The following SEMA5A variants were observed in gnomAD, a reference collection of about 807,000 sequenced individuals.
SEMA5A encodes semaphorin-5A.
Under a neutral mutation model 135.5 loss-of-function variants are expected in SEMA5A, and 55 were observed. That is an observed-to-expected ratio of 0.41 (90% confidence interval 0.33 to 0.51). The LOEUF (loss-of-function observed/expected upper bound fraction) is 0.51. SEMA5A is among the 20% of genes least tolerant of loss of function. The probability of loss-of-function intolerance (pLI) is 0.37; values close to 1 mark genes in which losing one functional copy is unlikely to be tolerated. For synonymous variants in SEMA5A, 580 were observed against 546.5 expected, an observed-to-expected ratio of 1.06 and a Z score of -0.85; for missense variants, 1,290 against 1,419.9, an observed-to-expected ratio of 0.91 and a Z score of 1.47.
intron 13 of SEMA5A, among the ~76,000 whole-genome samples, chr5:9,128,702 AC>A (rs1741245460): frequency 1.3e-5 from 2 of 152,236 alleles, no homozygotes; most frequent in African/African-American, 2.4e-5. Context: ...GAAAAATTAA[AC>A]TAAGATTCAT....
intron 5 of SEMA5A, among the ~76,000 whole-genome samples, chr5:9,256,877 A>G (rs1749099272): frequency 6.6e-6 from 1 of 152,258 alleles, no homozygotes; most frequent in Non-Finnish European, 1.5e-5. Context: ...GTATAAGTTC[A>G]AGATTAGCAT....
At chr5:9,188,375 A>C (rs1240462328) in intron 11 of SEMA5A, among the ~76,000 whole-genome samples, 1 of 152,240 alleles carries the variant, frequency 6.6e-6, no homozygotes, top group Non-Finnish European at 1.5e-5. Context: ...TCAAAGTAAA[A>C]ATAGAGGAGT....
chr5:9,104,938 C>A lies in SEMA5A; in HGVS notation c.2073+3202G>T, dbSNP rs1037922030. Among the ~76,000 whole-genome samples the A allele has an allele frequency of 3.9e-5, 6 of 152,268 alleles. 1 individual carries two copies. The highest frequency in any genetic ancestry group is 3.3e-4 in the Admixed American group (5 of 15,292). On this transcript the variant is annotated intron_variant, in intron 16 of 22. Coordinates refer to ENST00000382496, the MANE Select transcript of SEMA5A (RefSeq NM_003966.3). ...GGAGGGACATTTGCTAGAAGTGGTC[C>A]CTCAATCAGCTGGACACATGTGCCC...
At chr5:9,129,233 C>A (rs538563088) in intron 13 of SEMA5A, among the ~76,000 whole-genome samples, 15 of 152,310 alleles carry the variant, frequency 9.8e-5, no homozygotes, top group Non-Finnish European at 5.9e-5. Context: ...AGTTACCAAA[C>A]CCTGGAAAGA....
At chr5:9,347,740 G>A (rs572700437) in intron 3 of SEMA5A, among the ~76,000 whole-genome samples, 1 of 152,240 alleles carries the variant, frequency 6.6e-6, no homozygotes, top group East Asian at 1.9e-4. Flanking sequence ...CGGCAGACAG[G>A]CTTCATGTCC....
intron 16 of SEMA5A, among the ~76,000 whole-genome samples, chr5:9,081,952 A>ACAGGAAAAGCATCTGTTGT (rs1219652879): frequency 7.9e-5 from 12 of 152,200 alleles, no homozygotes. Context: ...AATGAGTGCT[A>ACAGGAAAAGCATCTGTTGT]CAGGAAAAGC....
rs115339860 is a variant in SEMA5A at position 9,207,486 on chromosome 5, A to G, written c.647-5246T>C. 6.6e-3 allele frequency among the ~76,000 whole-genome samples: 998 copies of G among 152,274 alleles called. 3 individuals carry two copies. Among genetic ancestry groups the G allele is most frequent in the African/African-American group, 0.023 (960 of 41,552 alleles). On this transcript the variant is annotated intron_variant, in intron 8 of 22. Coordinates refer to ENST00000382496, the MANE Select transcript of SEMA5A (RefSeq NM_003966.3). ...AGGCATGAGCCACTGCCCCTGGTCTACCATGCTGAGTTTTTAAATAGCAAG... is the reference window on the plus strand; with the variant it reads ...AGGCATGAGCCACTGCCCCTGGTCTGCCATGCTGAGTTTTTAAATAGCAAG...
At chr5:9,470,164 G>A (rs1759424418) in intron 1 of SEMA5A, among the ~76,000 whole-genome samples, 1 of 152,196 alleles carries the variant, frequency 6.6e-6, no homozygotes, top group Non-Finnish European at 1.5e-5. Flanking sequence ...CAAGGAGAGA[G>A]AAGGTAATCT....
intron 3 of SEMA5A, among the ~76,000 whole-genome samples, chr5:9,354,375 T>G (rs1351186060): frequency 2.0e-5 from 3 of 152,200 alleles, no homozygotes; most frequent in Non-Finnish European, 4.4e-5. Context: ...TTTCTAATCT[T>G]GTTTCCAATT....
intron 13 of SEMA5A, among the ~76,000 whole-genome samples, chr5:9,132,676 T>G (rs1386807247): frequency 7.6e-6 from 1 of 132,214 alleles, no homozygotes; most frequent in East Asian, 2.0e-4. Flanking sequence ...TTTGGGAAAC[T>G]CAGTTGTGCT....
intron 11 of SEMA5A, among the ~76,000 whole-genome samples, chr5:9,165,602 T>A (rs1232954132): frequency 6.6e-6 from 1 of 152,324 alleles, no homozygotes; most frequent in Middle Eastern, 3.4e-3. Context: ...TTATTTCCAG[T>A]TGTGCATTTG....
intron 22 of SEMA5A, 145 bp from the exon 23 acceptor site, chr5:9,043,161 C>T: frequency 1.3e-6 from 1 of 775,102 alleles, no homozygotes; most frequent in Non-Finnish European, 2.0e-6. Flanking sequence ...TATTTGCTTC[C>T]CCAGATTATT....
At chr5:9,192,943 C>A (rs1745194412) in intron 10 of SEMA5A, among the ~76,000 whole-genome samples, 1 of 150,918 alleles carries the variant, frequency 6.6e-6, no homozygotes, top group Non-Finnish European at 1.5e-5. Flanking sequence ...CTTAAGGAAC[C>A]CAGAAAAATT....
chr5:9,327,852 C>T (rs1165164519), intron 4 of SEMA5A, among the ~76,000 whole-genome samples: 2 of 151,960 alleles, frequency 1.3e-5, no homozygotes, highest in Admixed American at 6.6e-5. Context: ...CTTTGTGGGT[C>T]CTCTGGGTAT....
intron 1 of SEMA5A, among the ~76,000 whole-genome samples, chr5:9,500,820 G>A (rs1052249920): frequency 3.3e-5 from 5 of 152,198 alleles, no homozygotes; most frequent in Non-Finnish European, 1.5e-5. Context: ...ATATGTTTAT[G>A]CTACAATTCC....
intron 5 of SEMA5A, among the ~76,000 whole-genome samples, chr5:9,254,940 C>G (rs1411576557): frequency 2.0e-5 from 3 of 152,140 alleles, no homozygotes; most frequent in African/African-American, 7.2e-5. Context: ...GCTGAATGCA[C>G]TGTAAGCTGT....
intron 5 of SEMA5A, among the ~76,000 whole-genome samples, chr5:9,247,218 G>A (rs1748527775): frequency 6.6e-6 from 1 of 152,132 alleles, no homozygotes; most frequent in African/African-American, 2.4e-5. Flanking sequence ...TATCCCATTT[G>A]TGATTTTGTG....
intron 8 of SEMA5A, among the ~76,000 whole-genome samples, chr5:9,203,665 A>C (rs1174998337): frequency 6.6e-6 from 1 of 152,226 alleles, no homozygotes; most frequent in Non-Finnish European, 1.5e-5. Flanking sequence ...AAATGTAATA[A>C]ATACTCTAAA....
intron 3 of SEMA5A, among the ~76,000 whole-genome samples, chr5:9,344,349 A>C (rs987880398): frequency 1.3e-5 from 2 of 152,240 alleles, no homozygotes; most frequent in Admixed American, 6.5e-5. Flanking sequence ...ATATTTCTAT[A>C]AGACACAGAT....
Sources: allele counts gnomAD v4.1 joint callset (sites outside exome capture counted in the v4.1 genomes callset), GRCh38; gene constraint gnomAD v4.1.1; transcripts MANE v1.5; gene names NCBI Gene and HGNC (gene_info 2026-07-23, HGNC 2026-07-21).